Variants in CLEC19A observed in about 807,000 individuals in gnomAD.
CLEC19A encodes C-type lectin domain containing 19A, also known as C-type lectin domain family 19 member A.
In CLEC19A, 21 loss-of-function variants were observed where a neutral mutation model predicts 26.1. That is an observed-to-expected ratio of 0.80 (90% CI 0.57 to 1.16). The LOEUF is 1.16. CLEC19A is among the 50% of genes most tolerant of loss of function. The pLI is 0.00. For missense variants in CLEC19A, 224 were observed against 227.6 expected (o/e 0.98, Z 0.10); for synonymous variants, 89 against 88.6 (o/e 1.00, Z -0.03).
intron 2 of CLEC19A, among the ~76,000 whole-genome samples, chr16:19,300,208 A>C (rs2143010124): frequency 6.6e-6 from 1 of 152,026 alleles, no homozygotes; most frequent in Middle Eastern, 3.4e-3. Flanking sequence ...TGGGTGATAG[A>C]GTGAGATTCT....
At position 19,285,765 on chromosome 16, in the gene CLEC19A, C is replaced by A. The variant is rs888608939; in HGVS notation, c.-87C>A. 8.5e-7 allele frequency: 1 copy of A among 1,178,974 alleles called. No individual in the cohort carries two copies. The highest frequency in any genetic ancestry group is 1.2e-6 in the Non-Finnish European group (1 of 814,532). 73.0% of individuals were successfully genotyped at this position (1,178,974 alleles called of 1,614,324 possible). A position where few individuals can be genotyped will look rare whatever the true frequency, so the allele number is the denominator to read the frequency against. On this transcript the variant is annotated 5_prime_UTR_variant, in exon 1 of 5. Coordinates refer to ENST00000636231, the MANE Select transcript of CLEC19A (RefSeq NM_001256720.2). Reference sequence around the variant, plus strand: ...CAGCTCCTGCCAGGCTCCATCTGACCCTAGGAGAGCAATCCTGGACCCAAG... The same window carrying A: ...CAGCTCCTGCCAGGCTCCATCTGACACTAGGAGAGCAATCCTGGACCCAAG...
chr16:19,296,475 G>A (rs537499851), intron 1 of CLEC19A, among the ~76,000 whole-genome samples: 8 of 152,202 alleles, frequency 5.3e-5, no homozygotes, highest in Admixed American at 5.2e-4. Flanking sequence ...CAAGTACTTG[G>A]TGACTTTATT....
chr16:19,290,255 T>C (rs150870898), intron 1 of CLEC19A, among the ~76,000 whole-genome samples: 5 of 152,218 alleles, frequency 3.3e-5, no homozygotes, highest in African/African-American at 9.6e-5. Context: ...ATGTTGCTAA[T>C]TGAAGGAAAA....
At chr16:19,304,216 T>A in intron 3 of CLEC19A, 61 bp downstream of exon 3, 1 of 1,407,288 alleles carries the variant, frequency 7.1e-7, no homozygotes, top group Non-Finnish European at 9.8e-7. Context: ...TATTTTGATT[T>A]AATAAGCTTT....
chr16:19,293,853 G>A (rs1055093217), intron 1 of CLEC19A, among the ~76,000 whole-genome samples: 1 of 152,118 alleles, frequency 6.6e-6, no homozygotes, highest in African/African-American at 2.4e-5. Context: ...TCACATCAAG[G>A]TAAATGAGGT....
At position 19,298,785 on chromosome 16, in the gene CLEC19A, C is replaced by T. The variant is rs1033958739; in HGVS notation, c.201C>T (p.Tyr67=). ...LNKTWAEADL[Y]CSEFSVGRKS... is the part of the protein sequence containing the mutation. ...AGACCTGGGCTGAGGCCGACCTCTA[C>T]TGTTCTGAGTTCTCTGTGGGCAGGA... Residue 67 remains tyrosine (Y), a synonymous_variant, in exon 2 of 5, where the codon TAC becomes TAT. Coordinates refer to ENST00000636231, the MANE Select transcript of CLEC19A (RefSeq NM_001256720.2). 6.4e-7 allele frequency: 1 copy of T among 1,550,674 alleles called. No homozygotes were observed. Among genetic ancestry groups the T allele is most frequent in the African/African-American group, 1.4e-5 (1 of 73,048 alleles).
chr16:19,307,761 AGAGGAGCACCT>A, intron 4 of CLEC19A, 84 bp downstream of exon 4: 1 of 1,511,124 alleles, frequency 6.6e-7, no homozygotes, highest in Non-Finnish European at 8.9e-7. Context: ...CCTTGGGGGA[AGAGGAGCACCT>A]GATGGCCTGA....
Position 19,292,155 on chromosome 16 carries a change from T to G in CLEC19A, c.88+6216T>G, listed in dbSNP as rs190290599. Among the ~76,000 whole-genome samples, 893 of 152,294 alleles carry G rather than the reference T, an allele frequency of 5.9e-3. 7 individuals are homozygous for G. Among genetic ancestry groups the G allele is most frequent in the Non-Finnish European group, 7.6e-3 (514 of 68,026 alleles). ...AGGCTCTGTTCAGTGAGAAAATGAATGAATGAATGAATCAGTAATTCTACA... is the reference window on the plus strand; with the variant it reads ...AGGCTCTGTTCAGTGAGAAAATGAAGGAATGAATGAATCAGTAATTCTACA... On this transcript the variant is annotated intron_variant, in intron 1 of 4. Transcript: ENST00000636231.
In CLEC19A at chr16:19,304,103, G is replaced by C; in HGVS notation, c.296G>C (p.Cys99Ser). Residue 99 changes from cysteine (C) to serine (S), a missense_variant, in exon 3 of 5, where the codon TGT (cysteine) becomes TCT (serine). By Grantham distance (112) the Cys-to-Ser change is moderately radical (BLOSUM62 -1). Transcript: ENST00000636231. ...TTTGTATATGACCTCGTGAACAGCT[G>C]TGTTCCCGGCATCCCAGCTGACGTC... ...NVFVYDLVNS[C>S]VPGIPADVWT... The C allele has an allele frequency of 6.4e-7, 1 of 1,550,598 alleles. No homozygotes were observed. Among genetic ancestry groups the C allele is most frequent in the South Asian group, 1.2e-5 (1 of 84,062 alleles).
chr16:19,308,119 C>T (rs1205053150), intron 4 of CLEC19A, among the ~76,000 whole-genome samples: 3 of 152,136 alleles, frequency 2.0e-5, no homozygotes, highest in African/African-American at 7.2e-5. Context: ...CAAATTCTGG[C>T]CCTGTTTCTT....
chr16:19,293,619 C>T (rs1897638642), intron 1 of CLEC19A, among the ~76,000 whole-genome samples: 2 of 152,216 alleles, frequency 1.3e-5, no homozygotes, highest in South Asian at 4.2e-4. Flanking sequence ...CATGCCACCA[C>T]TCCTGGCTAA....
At chr16:19,306,791 G>A (rs1287345428) in intron 3 of CLEC19A, among the ~76,000 whole-genome samples, 1 of 152,116 alleles carries the variant, frequency 6.6e-6, no homozygotes, top group Non-Finnish European at 1.5e-5. Flanking sequence ...AACTTGCCCA[G>A]GTTGCAGAGC....
intron 1 of CLEC19A, among the ~76,000 whole-genome samples, chr16:19,295,294 C>T (rs557527854): frequency 1.3e-5 from 2 of 151,998 alleles, no homozygotes; most frequent in African/African-American, 2.4e-5. Context: ...ATTGCAATTT[C>T]GATCTTCCAT....
At chr16:19,296,485 T>C (rs1349066580) in intron 1 of CLEC19A, among the ~76,000 whole-genome samples, 1 of 152,198 alleles carries the variant, frequency 6.6e-6, no homozygotes, top group African/African-American at 2.4e-5. Context: ...GTGACTTTAT[T>C]TGGCCCAATC....
At chr16:19,299,624 T>A (rs940282443) in intron 2 of CLEC19A, among the ~76,000 whole-genome samples, 1 of 152,210 alleles carries the variant, frequency 6.6e-6, no homozygotes, top group Non-Finnish European at 1.5e-5. Flanking sequence ...TATCTTCTCC[T>A]CCAGGTAAAT....
intron 2 of CLEC19A, among the ~76,000 whole-genome samples, chr16:19,303,110 C>T (rs1408452997): frequency 6.6e-6 from 1 of 152,108 alleles, no homozygotes; most frequent in East Asian, 1.9e-4. Context: ...AGTATCTGCC[C>T]CAGTGCCTGG....
Position 19,304,150 on chromosome 16 carries a change from A to T in CLEC19A, c.343A>T (p.Arg115Ter), listed in dbSNP as rs1476419616. The T allele has an allele frequency of 3.2e-6, 5 of 1,550,442 alleles. No homozygotes were observed. In the African/African-American group the frequency reaches 5.5e-5, roughly 17 times the overall value. Residue 115 changes from arginine to a stop codon, truncating the protein, a stop_gained, in exon 3 of 5, where the codon AGA (arginine) becomes TGA (stop). Transcript: ENST00000636231. LOFTEE classifies it high-confidence loss of function. ...ADVWTGLHDH[R>*]QEGQFEWTDG... ...CGTCTGGACAGGCCTTCATGATCAC[A>T]GACAGGTGAGAAAGCAGTGGCCATT... is the stretch of plus-strand genomic sequence containing the variant.
intron 1 of CLEC19A, among the ~76,000 whole-genome samples, chr16:19,286,622 G>A (rs1897474904): frequency 1.3e-5 from 2 of 152,192 alleles, no homozygotes; most frequent in African/African-American, 4.8e-5. Context: ...ACTGATTCTG[G>A]GGGACCCTCA....
chr16:19,294,973 T>C (rs1319978205), intron 1 of CLEC19A, among the ~76,000 whole-genome samples: 2 of 152,242 alleles, frequency 1.3e-5, no homozygotes, highest in East Asian at 3.9e-4. Flanking sequence ...TTCTTTGTTG[T>C]GGGGAGTTGT....
Sources: gnomAD v4.1 joint callset for allele counts (sites outside exome capture counted in the v4.1 genomes callset) on GRCh38, gnomAD v4.1.1 for gene constraint, MANE v1.5 for transcripts, NCBI Gene and HGNC (gene_info 2026-07-23, HGNC 2026-07-21) for gene names.